The following CDH18 variants were observed in gnomAD, a reference collection of about 807,000 sequenced individuals.
The protein encoded by CDH18 is cadherin 18.
Under a neutral mutation model 67.9 loss-of-function variants are expected in CDH18, and 31 were observed. The observed-to-expected ratio is 0.46, with a 90% CI of 0.34 to 0.62. The LOEUF (loss-of-function observed/expected upper bound fraction) is 0.62, where lower values mean the gene tolerates loss of function less well. Ranked by LOEUF, CDH18 falls within the 20% of genes least tolerant of loss-of-function variation. The pLI, the probability that CDH18 is intolerant of heterozygous loss-of-function variation, is 0.01. For missense variants in CDH18, 890 were observed against 975.5 expected, an observed-to-expected ratio of 0.91 and a Z score of 1.17; for synonymous variants, 362 against 347.2, an observed-to-expected ratio of 1.04 and a Z score of -0.48.
chr5:20,407,729 T>A (rs1746412179), intron 1 of CDH18, among the ~76,000 whole-genome samples: 1 of 150,292 alleles, frequency 6.7e-6, no homozygotes, highest in African/African-American at 2.5e-5. Context: ...ATAATTTTTT[T>A]TTTTAAAAAA....
intron 2 of CDH18, among the ~76,000 whole-genome samples, chr5:19,946,163 C>T (rs1173579266): frequency 6.6e-6 from 1 of 152,050 alleles, no homozygotes; most frequent in Non-Finnish European, 1.5e-5. Context: ...CAGCAGATAT[C>T]TAATCTAAAG....
chr5:19,665,679 AAG>A (rs1453330650), intron 5 of CDH18, among the ~76,000 whole-genome samples: 1 of 152,088 alleles, frequency 6.6e-6, no homozygotes, highest in Non-Finnish European at 1.5e-5. Context: ...TAACATAAAA[AAG>A]GGCATTCTTC....
At chr5:19,921,337 C>T (rs1217661435) in intron 2 of CDH18, among the ~76,000 whole-genome samples, 3 of 152,022 alleles carry the variant, frequency 2.0e-5, no homozygotes, top group Non-Finnish European at 4.4e-5. Context: ...TGCGACTATC[C>T]TGGCTAACAC....
At chr5:19,779,179 GACA>G (rs1243632303) in intron 3 of CDH18, among the ~76,000 whole-genome samples, 1 of 152,092 alleles carries the variant, frequency 6.6e-6, no homozygotes, top group Non-Finnish European at 1.5e-5. Flanking sequence ...ATCGAGGTAG[GACA>G]ACAAGTTAAT....
intron 2 of CDH18, among the ~76,000 whole-genome samples, chr5:20,131,769 G>T (rs565606012): frequency 6.6e-5 from 10 of 152,112 alleles, no homozygotes; most frequent in African/African-American, 2.4e-4. Flanking sequence ...ACCACTTTAA[G>T]GACATATTTT....
chr5:19,979,918 T>A (rs1798870241), intron 2 of CDH18, among the ~76,000 whole-genome samples: 1 of 152,114 alleles, frequency 6.6e-6, no homozygotes, highest in Non-Finnish European at 1.5e-5. Flanking sequence ...ATGCCCACTC[T>A]CACCACTCCA....
chr5:20,477,191 A>C (rs536335984), intron 1 of CDH18, among the ~76,000 whole-genome samples: 1 of 152,136 alleles, frequency 6.6e-6, no homozygotes, highest in East Asian at 1.9e-4. Flanking sequence ...AGAAAAATAT[A>C]CACACACACA....
rs77835118 is a variant in CDH18 at position 20,549,642 on chromosome 5, A to G, written c.-580+25820T>C. ...GTGAGAAGATTAACTCTGTTCTTTG[A>G]AGTATTATTTCACTACTGAGTAAAG... is the stretch of plus-strand genomic sequence containing the variant. On this transcript the variant is annotated intron_variant, in intron 1 of 14. Transcript: ENST00000507958. Among the ~76,000 whole-genome samples, 876 of 152,260 alleles carry G rather than the reference A, an allele frequency of 5.8e-3. 30 individuals are homozygous for G. The highest frequency in any genetic ancestry group is 0.045 in the Admixed American group (689 of 15,268).
intron 1 of CDH18, among the ~76,000 whole-genome samples, chr5:20,356,641 A>G (rs959870107): frequency 6.6e-6 from 1 of 151,648 alleles, no homozygotes; most frequent in African/African-American, 2.4e-5. Flanking sequence ...ACTGGGAGGA[A>G]AAACAAGCAT....
chr5:20,560,485 AC>A (rs1758144419), intron 1 of CDH18, among the ~76,000 whole-genome samples: 1 of 150,736 alleles, frequency 6.6e-6, no homozygotes, highest in Non-Finnish European at 1.5e-5. Flanking sequence ...ACACACACAC[AC>A]ACACACACAC....
intron 1 of CDH18, among the ~76,000 whole-genome samples, chr5:20,565,377 G>A (rs1476173127): frequency 6.6e-6 from 1 of 152,096 alleles, no homozygotes; most frequent in Non-Finnish European, 1.5e-5. Context: ...GTAAAATCCT[G>A]ATTACTACTT....
intron 1 of CDH18, among the ~76,000 whole-genome samples, chr5:20,399,294 G>A (rs1036140640): frequency 6.6e-6 from 1 of 152,040 alleles, no homozygotes; most frequent in African/African-American, 2.4e-5. Context: ...CAATAGTGAT[G>A]ATAAAATATG....
At chr5:20,535,503 T>C (rs1351143894) in intron 1 of CDH18, among the ~76,000 whole-genome samples, 1 of 152,148 alleles carries the variant, frequency 6.6e-6, no homozygotes, top group Non-Finnish European at 1.5e-5. Flanking sequence ...TATTTCCACC[T>C]GTGAAGTCCC....
At chr5:19,604,130 C>T (rs1443201942) in intron 6 of CDH18, among the ~76,000 whole-genome samples, 1 of 151,972 alleles carries the variant, frequency 6.6e-6, no homozygotes, top group Non-Finnish European at 1.5e-5. Context: ...GGGCATTTGT[C>T]TCACTGAGGC....
intron 2 of CDH18, among the ~76,000 whole-genome samples, chr5:20,104,125 A>G (rs1258411961): frequency 6.6e-6 from 1 of 151,012 alleles, no homozygotes; most frequent in Non-Finnish European, 1.5e-5. Context: ...TTATAGATAT[A>G]TATGCATGGC....
At chr5:19,912,103 C>T (rs1274930890) in intron 2 of CDH18, among the ~76,000 whole-genome samples, 1 of 151,500 alleles carries the variant, frequency 6.6e-6, no homozygotes, top group Non-Finnish European at 1.5e-5. Flanking sequence ...TAATTAAAGA[C>T]ATGTGTGAAA....
intron 11 of CDH18, among the ~76,000 whole-genome samples, chr5:19,489,250 C>CTTTTTTTTTT (rs1237810466): frequency 7.8e-6 from 1 of 128,128 alleles, no homozygotes; most frequent in African/African-American, 2.9e-5. Flanking sequence ...TTTTTTTTTT[C>CTTTTTTTTTT]TTTTTTTTTT....
chr5:20,512,196 T>A (rs1755079085), intron 1 of CDH18, among the ~76,000 whole-genome samples: 1 of 152,024 alleles, frequency 6.6e-6, no homozygotes, highest in African/African-American at 2.4e-5. Flanking sequence ...GCACTCCAGC[T>A]TGGGCAACAG....
rs189090320 is a variant in CDH18, at chr5:20,551,117, C to T, written c.-580+24345G>A. On this transcript the variant is annotated intron_variant, in intron 1 of 14. Transcript: ENST00000507958. ...CGTGCTAAAATAATAAATAGATGAA[C>T]GAAGGAAACATCAGGAGTAAATGTA... 1.4e-4 allele frequency among the ~76,000 whole-genome samples: 21 copies of T among 152,104 alleles called. 1 individual carries two copies. In the South Asian group the frequency reaches 1.7e-3, roughly 12 times the overall value.
Sources: allele counts gnomAD v4.1 joint callset (sites outside exome capture counted in the v4.1 genomes callset), GRCh38; gene constraint gnomAD v4.1.1; transcripts MANE v1.5; gene names NCBI Gene and HGNC (gene_info 2026-07-23, HGNC 2026-07-21).